CPXM2: variants seen among roughly 807,000 people sequenced by gnomAD.
CPXM2 encodes the protein carboxypeptidase X, M14 family member 2, also known as inactive carboxypeptidase-like protein X2.
Under a neutral mutation model 86.1 loss-of-function variants are expected in CPXM2, and 66 were observed. The ratio of observed to expected loss-of-function variants is 0.77; its 90% confidence interval spans 0.63 to 0.94. CPXM2 has a LOEUF of 0.94. Ranked by LOEUF, CPXM2 falls within the 40% of genes least tolerant of loss-of-function variation. CPXM2 has a pLI of 0.00. For missense variants in CPXM2, 948 were observed against 1,026.3 expected (o/e 0.92, Z 1.04); for synonymous variants, 388 against 400.2 (o/e 0.97, Z 0.36).
intron 2 of CPXM2, among the ~76,000 whole-genome samples, chr10:123,912,867 C>A (rs1590119057): frequency 6.6e-6 from 1 of 152,190 alleles, no homozygotes; most frequent in East Asian, 1.9e-4. Context: ...TTGTTGTTTT[C>A]ATTTGCCAAC....
intron 2 of CPXM2, among the ~76,000 whole-genome samples, chr10:123,929,913 G>A (rs1258486917): frequency 6.6e-6 from 1 of 152,154 alleles, no homozygotes; most frequent in African/African-American, 2.4e-5. Flanking sequence ...TCCTTCCTTG[G>A]GTAGGGCGTC....
intron 2 of CPXM2, among the ~76,000 whole-genome samples, chr10:123,917,636 C>CT (rs1390493111): frequency 1.3e-5 from 2 of 152,212 alleles, no homozygotes; most frequent in Admixed American, 6.5e-5. Context: ...AGAAGTATTA[C>CT]TAGCCCCATT....
intron 2 of CPXM2, among the ~76,000 whole-genome samples, chr10:123,920,080 A>C (rs1374922751): frequency 6.6e-6 from 1 of 152,226 alleles, no homozygotes; most frequent in Non-Finnish European, 1.5e-5. Context: ...ATAAATTTCA[A>C]CATGAGATTT....
At chr10:123,798,311 T>C (rs1451039853) in intron 5 of CPXM2, among the ~76,000 whole-genome samples, 185 bp from the exon 6 acceptor site, 1 of 150,920 alleles carries the variant, frequency 6.6e-6, no homozygotes, top group Non-Finnish European at 1.5e-5. Context: ...GAAGCCTCCA[T>C]CTAGTTGGTA....
chr10:123,854,377 ATATATAT>A (rs1418288953), intron 3 of CPXM2, among the ~76,000 whole-genome samples: 1 of 120,676 alleles, frequency 8.3e-6, no homozygotes, highest in Admixed American at 9.7e-5. Context: ...TATATATAAT[ATATATAT>A]AATATATATA....
intron 6 of CPXM2, among the ~76,000 whole-genome samples, chr10:123,797,749 A>ATTTATT (rs1847364983): frequency 6.6e-6 from 1 of 151,480 alleles, no homozygotes; most frequent in Admixed American, 6.6e-5. Flanking sequence ...TTTATTATTT[A>ATTTATT]TTTATTTTTA....
chr10:123,886,941 C>T (rs1945185804), intron 1 of CPXM2: 1 of 152,238 alleles, frequency 6.6e-6, no homozygotes, highest in Non-Finnish European at 1.5e-5. Context: ...CCCAAATCCA[C>T]TTGCACGTGC....
intron 2 of CPXM2, among the ~76,000 whole-genome samples, chr10:123,914,741 C>T (rs1945520939): frequency 1.3e-5 from 2 of 152,124 alleles, no homozygotes; most frequent in Non-Finnish European, 2.9e-5. Flanking sequence ...TCCCTGATTC[C>T]CCAAGATTTC....
chr10:123,861,631 CCAGACAGG>C (rs966260428), intron 3 of CPXM2, among the ~76,000 whole-genome samples: 50 of 152,216 alleles, frequency 3.3e-4, no homozygotes, highest in African/African-American at 1.2e-3. Context: ...GAACAGAGAA[CCAGACAGG>C]CAGTCACATG....
chr10:123,943,154 G>C (rs544119300), upstream of CPXM2, among the ~76,000 whole-genome samples: 7 of 81,376 alleles, frequency 8.6e-5, no homozygotes, highest in Non-Finnish European at 1.6e-4. Flanking sequence ...GTTAAGCAAC[G>C]TATGACTGTA....
intron 3 of CPXM2, among the ~76,000 whole-genome samples, chr10:123,852,046 T>C (rs1848611032): frequency 6.6e-6 from 1 of 152,126 alleles, no homozygotes; most frequent in Non-Finnish European, 1.5e-5. Flanking sequence ...GACCCTTTCT[T>C]AGAGACTTCG....
chr10:123,798,613 A>T (rs2134068285), intron 5 of CPXM2, among the ~76,000 whole-genome samples: 1 of 152,306 alleles, frequency 6.6e-6, no homozygotes, highest in Middle Eastern at 3.4e-3. Context: ...GGGGGTAAGA[A>T]TGAGAAAGAA....
intron 1 of CPXM2, among the ~76,000 whole-genome samples, chr10:123,884,795 T>G (rs1945155350): frequency 6.6e-6 from 1 of 152,200 alleles, no homozygotes; most frequent in South Asian, 2.1e-4. Flanking sequence ...GCCTGGTCAG[T>G]CCCACCCTCC....
intron 13 of CPXM2, chr10:123,750,145 T>C (rs1375546037): frequency 1.2e-5 from 12 of 985,246 alleles, no homozygotes; most frequent in African/African-American, 1.7e-5. Context: ...TAATGAAAGC[T>C]ATTCTTACTA....
chr10:123,789,343 T>C (rs1590000832), intron 6 of CPXM2, among the ~76,000 whole-genome samples: 1 of 152,188 alleles, frequency 6.6e-6, no homozygotes, highest in Admixed American at 6.5e-5. Context: ...CCATTTCCTA[T>C]GTCCCCATCT....
At chr10:123,794,299 C>CCAAAGA (rs1483395174) in intron 6 of CPXM2, among the ~76,000 whole-genome samples, 1 of 152,172 alleles carries the variant, frequency 6.6e-6, no homozygotes, top group African/African-American at 2.4e-5. Flanking sequence ...ACAACTTCCC[C>CCAAAGA]CAAAGACATC....
chr10:123,891,521 A>G lies in CPXM2; in HGVS notation c.139T>C (p.Tyr47His), dbSNP rs1392303751. 1 of 1,548,716 alleles carries G rather than the reference A, an allele frequency of 6.5e-7. No homozygotes were observed. ...GQEIWSREPY[Y>H]ARPEPELETF... Reference sequence around the variant, plus strand: ...TCGAGCTCGGGCTCCGGGCGCGCGTAGTAGGGCTCCCGGCTCCAGATCTCC... The same window carrying G: ...TCGAGCTCGGGCTCCGGGCGCGCGTGGTAGGGCTCCCGGCTCCAGATCTCC... Residue 47 changes from tyrosine to histidine, a missense_variant, in exon 1 of 14, where the codon TAC becomes CAC. Coordinates refer to ENST00000241305, the MANE Select transcript of CPXM2 (RefSeq NM_198148.3). This position sits in a 1 kb window ranked among gnomAD's most constrained non-coding sequence, Gnocchi z 5.6.
rs527866655 is a variant in CPXM2 at position 123,845,062 on chromosome 10, G to A, written c.514-2574C>T. On this transcript the variant is annotated intron_variant, in intron 3 of 13. Transcript: ENST00000241305. ...AGCCTGGGTGACAGAGCAAGACTCA[G>A]TCTCAAAAAAAAAAAAAAAAAATAC... Among the ~76,000 whole-genome samples, 12 of 140,330 alleles carry A rather than the reference G, an allele frequency of 8.6e-5. No individual in the cohort carries two copies. The East Asian group carries it at 2.5e-3, about 29-fold the overall frequency. 92.1% of individuals were successfully genotyped at this position (140,330 alleles called of 152,430 possible).
chr10:123,862,184 C>A (rs1474431769), intron 3 of CPXM2, among the ~76,000 whole-genome samples: 1 of 152,182 alleles, frequency 6.6e-6, no homozygotes, highest in African/African-American at 2.4e-5. Context: ...ATGGAGGGAG[C>A]CACAGGAAAG....
Sources: gnomAD v4.1 joint callset for allele counts (sites outside exome capture counted in the v4.1 genomes callset) on GRCh38, gnomAD v4.1.1 for gene constraint, Gnocchi (gnomAD v3.1) non-coding constraint, MANE v1.5 for transcripts, NCBI Gene and HGNC (gene_info 2026-07-23, HGNC 2026-07-21) for gene names.